Variants in ROBO2 observed in about 807,000 individuals in gnomAD.
The protein encoded by ROBO2 is roundabout homolog 2.
ROBO2 carries 53 observed loss-of-function variants against 160.8 expected under a neutral mutation model. The observed-to-expected ratio is 0.33, with a 90% confidence interval of 0.26 to 0.41. The LOEUF is 0.41. ROBO2 is among the 10% of genes least tolerant of loss of function. ROBO2 has a pLI of 1.00. For synonymous variants in ROBO2, 664 were observed against 611.7 expected (o/e 1.09, Z -1.26); for missense variants, 1,577 against 1,722.4 (o/e 0.92, Z 1.49).
chr3:76,383,729 A>C (rs1011316816), intron 2 of ROBO2, among the ~76,000 whole-genome samples: 3 of 152,112 alleles, frequency 2.0e-5, no homozygotes, highest in Non-Finnish European at 2.9e-5. Context: ...TGAAAAAAAA[A>C]CAAAAAACAA....
At chr3:77,278,874 A>C (rs909855530) in intron 2 of ROBO2, among the ~76,000 whole-genome samples, 1 of 152,168 alleles carries the variant, frequency 6.6e-6, no homozygotes, top group Non-Finnish European at 1.5e-5. Context: ...ATTCAAACTC[A>C]GACTCTAAAA....
chr3:76,361,836 G>A (rs561223201), intron 2 of ROBO2, among the ~76,000 whole-genome samples: 1 of 152,100 alleles, frequency 6.6e-6, no homozygotes, highest in South Asian at 2.1e-4. Flanking sequence ...TATATGAAAA[G>A]GCTGACATTC....
chr3:76,740,167 AT>A (rs2093779161), intron 2 of ROBO2, among the ~76,000 whole-genome samples: 1 of 152,228 alleles, frequency 6.6e-6, no homozygotes, highest in Non-Finnish European at 1.5e-5. Flanking sequence ...GATTTGAATC[AT>A]AAAAGATACA....
rs780148022 is a variant in ROBO2, at chr3:76,978,942, TTTA to T, written c.110-119071_110-119069del. ...GTTTTTTTTGTTTGTTTGTTTGTTT[TTTA>T]AAAAAAAAAAAAAGAAAAACAGGGT... On this transcript the variant is annotated intron_variant, in intron 2 of 26. Coordinates refer to the ROBO2 transcript ENST00000487694. Among the ~76,000 whole-genome samples, 440 of 149,586 alleles carry T rather than the reference TTTA, an allele frequency of 2.9e-3. 2 individuals are homozygous for T. The highest frequency in any genetic ancestry group is 0.018 in the East Asian group (92 of 5,084).
intron 2 of ROBO2, among the ~76,000 whole-genome samples, chr3:76,545,365 T>G (rs2108283967): frequency 6.6e-6 from 1 of 152,114 alleles, no homozygotes; most frequent in Non-Finnish European, 1.5e-5. Flanking sequence ...TACTGTCGGT[T>G]AAGTCATCAC....
intron 2 of ROBO2, among the ~76,000 whole-genome samples, chr3:76,679,269 C>G (rs931449692): frequency 1.4e-4 from 21 of 152,078 alleles, no homozygotes; most frequent in African/African-American, 5.1e-4. Context: ...TAAAGAAAAA[C>G]TCAAATTACC....
intron 23 of ROBO2, among the ~76,000 whole-genome samples, chr3:77,625,072 T>G (rs1476516943): frequency 6.6e-6 from 1 of 152,150 alleles, no homozygotes; most frequent in Non-Finnish European, 1.5e-5. Flanking sequence ...AATAAGCATG[T>G]TAACTACAAT....
intron 2 of ROBO2, among the ~76,000 whole-genome samples, chr3:76,996,260 G>A (rs1220592966): frequency 6.6e-6 from 1 of 152,060 alleles, no homozygotes; most frequent in Admixed American, 6.6e-5. Context: ...TCAGATAGTT[G>A]TAGACATGTG....
chr3:77,479,396 T>G (rs2084410580), intron 3 of ROBO2, among the ~76,000 whole-genome samples: 1 of 152,128 alleles, frequency 6.6e-6, no homozygotes, highest in African/African-American at 2.4e-5. Flanking sequence ...CTTTTCTCAG[T>G]CAGATAAGGA....
intron 2 of ROBO2, among the ~76,000 whole-genome samples, chr3:76,858,648 A>G (rs1015116129): frequency 6.6e-6 from 1 of 152,242 alleles, no homozygotes; most frequent in Non-Finnish European, 1.5e-5. Context: ...CAAATAGTAA[A>G]GGCCCTGCCC....
chr3:76,710,402 A>G (rs1226712269), intron 2 of ROBO2, among the ~76,000 whole-genome samples: 1 of 152,210 alleles, frequency 6.6e-6, no homozygotes, highest in Non-Finnish European at 1.5e-5. Context: ...TACAGGTGTG[A>G]GCCACTGCGT....
chr3:76,218,147 C>T (rs534402480), intron 2 of ROBO2, among the ~76,000 whole-genome samples: 33 of 152,110 alleles, frequency 2.2e-4, no homozygotes, highest in Non-Finnish European at 4.0e-4. Flanking sequence ...AAATTAGGTA[C>T]TGATGGGACA....
chr3:76,898,817 A>G (rs1577339264), intron 2 of ROBO2, among the ~76,000 whole-genome samples: 1 of 152,156 alleles, frequency 6.6e-6, no homozygotes, highest in East Asian at 1.9e-4. Flanking sequence ...GTTCTTAAAT[A>G]ATATAAATAT....
intron 2 of ROBO2, among the ~76,000 whole-genome samples, chr3:76,129,609 C>T (rs2071144607): frequency 6.6e-6 from 1 of 152,034 alleles, no homozygotes; most frequent in Admixed American, 6.6e-5. Context: ...ATTCAACATC[C>T]CCACTAAGGC....
At chr3:76,135,564 G>A (rs1388970627) in intron 2 of ROBO2, among the ~76,000 whole-genome samples, 1 of 152,064 alleles carries the variant, frequency 6.6e-6, no homozygotes, top group Non-Finnish European at 1.5e-5. Context: ...TATGGGCTGG[G>A]ACACAAACAT....
chr3:76,490,177 T>C lies in ROBO2; in HGVS notation c.109+552575T>C, dbSNP rs571172752. On this transcript the variant is annotated intron_variant, in intron 2 of 26. Coordinates refer to the ROBO2 transcript ENST00000487694. The stretch of plus-strand genomic sequence containing the variant: ...CTCCTTTTTATGACGAAAGAAATTT[T>C]TTATCTATTTTCTCAGAGCTAAAGG... 3.9e-5 allele frequency among the ~76,000 whole-genome samples: 6 copies of C among 152,332 alleles called. No homozygotes were observed. The East Asian group carries it at 1.2e-3, about 29-fold the overall frequency.
intron 2 of ROBO2, among the ~76,000 whole-genome samples, chr3:76,286,067 C>T (rs1380332660): frequency 1.3e-5 from 2 of 152,200 alleles, no homozygotes; most frequent in African/African-American, 4.8e-5. Flanking sequence ...AAGTAGTTCA[C>T]AGTTCATAGA....
intron 4 of ROBO2, among the ~76,000 whole-genome samples, chr3:77,486,730 T>G (rs143955643): frequency 6.6e-6 from 1 of 152,290 alleles, no homozygotes; most frequent in African/African-American, 2.4e-5. Flanking sequence ...TTCACTCTGA[T>G]AGTTTCTTTT....
chr3:77,167,947 G>C (rs1184370046), intron 2 of ROBO2, among the ~76,000 whole-genome samples: 2 of 152,150 alleles, frequency 1.3e-5, no homozygotes, highest in African/African-American at 4.8e-5. Flanking sequence ...ATCTGAGCTT[G>C]TAAATGAGAG....
Sources: allele counts gnomAD v4.1 joint callset (sites outside exome capture counted in the v4.1 genomes callset), GRCh38; gene constraint gnomAD v4.1.1; transcripts MANE v1.5; gene names NCBI Gene and HGNC (gene_info 2026-07-23, HGNC 2026-07-21).